Variants in TUBA1B observed in about 807,000 individuals in gnomAD.
TUBA1B encodes the protein tubulin alpha-1B chain.
In TUBA1B, 1 loss-of-function variant was observed where a neutral mutation model predicts 34.4. That is an observed-to-expected ratio of 0.03 (90% CI 0.01 to 0.14). TUBA1B has a LOEUF of 0.14. TUBA1B is among the 10% of genes least tolerant of loss of function. TUBA1B has a pLI of 1.00. For synonymous variants in TUBA1B, 197 were observed against 212.5 expected (o/e 0.93, Z 0.64); for missense variants, 54 against 583.6 (o/e 0.09, Z 9.35).
chr12:49,130,447 G>A lies in TUBA1B; in HGVS notation c.4-725C>T, dbSNP rs959620963. ...CCACGTCTGCAAAGGCGCTGCCCAA[G>A]CCGCCCATCCTCCCTTGCCTGCCGG... On this transcript the variant is annotated intron_variant, in intron 1 of 3. Coordinates refer to ENST00000336023, the MANE Select transcript of TUBA1B (RefSeq NM_006082.3). 2.0e-5 allele frequency: 20 copies of A among 986,104 alleles called. No homozygotes were observed. The East Asian group carries it at 1.2e-3, about 60-fold the overall frequency. The allele number at this position is 986,104 out of a possible 1,614,324, so 61.1% of individuals were successfully genotyped here.
In TUBA1B at chr12:49,130,709, CCT is replaced by C. The variant is rs1467437681; in HGVS notation, c.3+587_3+588del. 16 of 201,032 alleles carry C rather than the reference CCT, an allele frequency of 8.0e-5. No individual in the cohort carries two copies. The South Asian group carries it at 1.0e-3, about 13-fold the overall frequency. The allele number at this position is 201,032 out of a possible 1,614,324, so 12.5% of individuals were successfully genotyped here. The stretch of plus-strand genomic sequence containing the variant: ...CATTGACAGGGAGCTCTTCCGCAGT[CCT>C]CTTATTGCTTTCATCAAAAAAAGAA... On this transcript the variant is annotated intron_variant, in intron 1 of 3. Transcript: ENST00000336023.
At chr12:49,130,329 G>C in intron 1 of TUBA1B, 1 of 1,289,230 alleles carries the variant, frequency 7.8e-7, no homozygotes, top group Non-Finnish European at 1.0e-6. Flanking sequence ...TGTCCGCAGG[G>C]ACAAGGGGCG....
rs1941764038 is a variant in TUBA1B, at chr12:49,127,868, A to G, written c.*90T>C. 6.3e-7 allele frequency: 1 copy of G among 1,587,296 alleles called. No homozygotes were observed. Among genetic ancestry groups the G allele is most frequent in the Admixed American group, 1.7e-5 (1 of 58,274 alleles). On this transcript the variant is annotated 3_prime_UTR_variant, in exon 4 of 4. Transcript: ENST00000336023. ...AAGACATGATCACCAAGTGAAAACA[A>G]TCTAACCAGAAAGCTTTAACGTCTG...
chr12:49,129,860 G>A, intron 1 of TUBA1B, 138 bp from the exon 2 acceptor site: 2 of 1,387,472 alleles, frequency 1.4e-6, no homozygotes, highest in Non-Finnish European at 1.9e-6. Context: ...TGCCATCTAG[G>A]CTCACTGCAG....
chr12:49,130,064 T>C, intron 1 of TUBA1B: 1 of 1,177,412 alleles, frequency 8.5e-7, no homozygotes, highest in Non-Finnish European at 1.1e-6. Flanking sequence ...TTCTAAGATG[T>C]ACTACTTTTG....
intron 1 of TUBA1B, chr12:49,130,909 A>AGTGAGGGCTGGAAGAGTCC (rs1941797749): frequency 5.6e-6 from 1 of 177,104 alleles, no homozygotes; most frequent in South Asian, 1.2e-4. Flanking sequence ...CTCAAGAGGA[A>AGTGAGGGCTGGAAGAGTCC]GTGAGGGCTG....
rs1241822850 is a variant in TUBA1B, at chr12:49,130,338, C to T, written c.4-616G>A. The stretch of plus-strand genomic sequence containing the variant: ...AATGTCTGTCCGCAGGGACAAGGGG[C>T]GGGGCTCTGCGGCACAGGATGAATG... On this transcript the variant is annotated intron_variant, in intron 1 of 3. Coordinates refer to ENST00000336023, the MANE Select transcript of TUBA1B (RefSeq NM_006082.3). The T allele has an allele frequency of 7.8e-6, 10 of 1,289,108 alleles. No individual in the cohort carries two copies. In the Admixed American group the frequency reaches 9.2e-5, roughly 12 times the overall value. 79.9% of individuals were successfully genotyped at this position (1,289,108 alleles called of 1,614,324 possible). A position where few individuals can be genotyped will look rare whatever the true frequency, so the allele number is the denominator to read the frequency against.
intron 1 of TUBA1B, chr12:49,130,205 T>A: frequency 2.4e-6 from 3 of 1,271,120 alleles, no homozygotes; most frequent in Non-Finnish European, 3.1e-6. Context: ...GACAGGAAGG[T>A]GGGCATCCAT....
At chr12:49,131,247 C>T in intron 1 of TUBA1B, 51 bp downstream of exon 1, 7 of 1,587,364 alleles carry the variant, frequency 4.4e-6, no homozygotes, top group Non-Finnish European at 6.0e-6. Context: ...CCCGCCGGCT[C>T]GCTTTTCCCT....
At chr12:49,131,225 G>C (rs2241727) in intron 1 of TUBA1B, 73 bp downstream of exon 1, 560,514 of 1,549,198 alleles carry the variant, frequency 0.36, 106,589 homozygotes, top group East Asian at 0.71. Flanking sequence ...GCTGTATACA[G>C]GGCCCCAGCG....
intron 3 of TUBA1B, 144 bp from the exon 4 acceptor site, chr12:49,129,082 A>G: frequency 1.3e-6 from 2 of 1,533,008 alleles, no homozygotes; most frequent in Non-Finnish European, 1.8e-6. Flanking sequence ...CAAACTGTCC[A>G]TAACCTAGGG....
In TUBA1B at chr12:49,129,227, A is replaced by G. The variant is rs758728097; in HGVS notation, c.375+15T>C. On this transcript the variant is annotated intron_variant, in intron 3 of 3. Coordinates refer to ENST00000336023, the MANE Select transcript of TUBA1B (RefSeq NM_006082.3). ...ATCACACCACATTAAATGCATATTT[A>G]TATGTGGTGCTTACCAGCTTGCGAA... The G allele has an allele frequency of 6.8e-6, 11 of 1,613,396 alleles. No individual in the cohort carries two copies. Among genetic ancestry groups the G allele is most frequent in the African/African-American group, 4.0e-5 (3 of 74,912 alleles).
intron 2 of TUBA1B, 27 bp from the exon 3 acceptor site, chr12:49,129,417 G>A (rs371534379): frequency 2.5e-6 from 4 of 1,613,964 alleles, no homozygotes; most frequent in Non-Finnish European, 3.4e-6. Flanking sequence ...AGGACGGAGG[G>A]AGTGAGTGAG....
chr12:49,131,237 C>T (rs2121169946), intron 1 of TUBA1B, 61 bp downstream of exon 1: 1 of 1,572,486 alleles, frequency 6.4e-7, no homozygotes, highest in East Asian at 2.3e-5. Context: ...GCCCCAGCGC[C>T]CCGCCGGCTC....
At chr12:49,130,707 G>C (rs1264715095) in intron 1 of TUBA1B, 1 of 208,042 alleles carries the variant, frequency 4.8e-6, no homozygotes, top group African/African-American at 2.3e-5. Context: ...CTCTTCCGCA[G>C]TCCTCTTATT....
At chr12:49,130,323 C>A in intron 1 of TUBA1B, 1 of 1,289,200 alleles carries the variant, frequency 7.8e-7, no homozygotes, top group Non-Finnish European at 1.0e-6. Context: ...AATGTCTGTC[C>A]GCAGGGACAA....
At position 49,131,270 on chromosome 12, in the gene TUBA1B, G is replaced by C. The variant is rs752203509; in HGVS notation, c.3+28C>G. ...CTCGCTTTTCCCTGCTTCCCTGAAA[G>C]CAGCCGGGAGCCGCACGGCTTACTC... On this transcript the variant is annotated intron_variant, in intron 1 of 3. Transcript: ENST00000336023. 4.4e-6 allele frequency: 7 copies of C among 1,605,346 alleles called. No homozygotes were observed. The South Asian group carries it at 7.8e-5, about 18-fold the overall frequency.
At chr12:49,130,938 T>C in intron 1 of TUBA1B, 1 of 200,364 alleles carries the variant, frequency 5.0e-6, no homozygotes, top group Non-Finnish European at 1.0e-5. Flanking sequence ...CGCGCGCGCG[T>C]CCACCCAAGG....
chr12:49,129,395 A>T lies in TUBA1B; in HGVS notation c.227-5T>A, dbSNP rs369118674. 14 of 1,614,028 alleles carry T rather than the reference A, an allele frequency of 8.7e-6. No homozygotes were observed. In the African/African-American group the frequency reaches 1.9e-4, roughly 22 times the overall value. ...AGGTGCCAGTGCGAACTTCATCTGG[A>T]GGAGGGAGAGAAGGACGGAGGGAGT... On this transcript the variant is annotated splice_polypyrimidine_tract_variant and splice_region_variant and intron_variant, in intron 2 of 3. Coordinates refer to ENST00000336023, the MANE Select transcript of TUBA1B (RefSeq NM_006082.3).
Sources: allele counts gnomAD v4.1 joint callset, GRCh38; gene constraint gnomAD v4.1.1; transcripts MANE v1.5; gene names NCBI Gene and HGNC (gene_info 2026-07-23, HGNC 2026-07-21).